The following FBLN5 variants were observed in gnomAD, a reference collection of about 807,000 sequenced individuals.
FBLN5 encodes the protein fibulin-5.
Under a neutral mutation model 61.6 loss-of-function variants are expected in FBLN5, and 24 were observed. The ratio of observed to expected loss-of-function variants is 0.39; its 90% CI spans 0.28 to 0.55. The LOEUF (loss-of-function observed/expected upper bound fraction) is 0.55, where lower values mean the gene tolerates loss of function less well. Ranked by LOEUF, FBLN5 falls within the 20% of genes least tolerant of loss-of-function variation. FBLN5 has a pLI of 0.65. For missense variants in FBLN5, 470 were observed against 594.1 expected (o/e 0.79, Z 2.17); for synonymous variants, 213 against 219.8 (o/e 0.97, Z 0.27).
rs1375553528 is a variant in FBLN5 at position 91,882,354 on chromosome 14, G to A, written c.862+600C>T. Among the ~76,000 whole-genome samples the A allele has an allele frequency of 6.6e-6, 1 of 152,206 alleles. No homozygotes were observed. The highest frequency in any genetic ancestry group is 1.5e-5 in the Non-Finnish European group (1 of 68,034). ...GGCAATGGGATAAGGCAGGTTCAAG[G>A]AGGCTGAGAATGGGTCAGTTGCTTC... On this transcript the variant is annotated intron_variant, in intron 8 of 10. Transcript: ENST00000342058. This position sits in a 1 kb window ranked among gnomAD's most constrained non-coding sequence, Gnocchi z 4.9.
chr14:91,923,876 T>A (rs1253630453), intron 4 of FBLN5, among the ~76,000 whole-genome samples: 1 of 152,214 alleles, frequency 6.6e-6, no homozygotes, highest in Non-Finnish European at 1.5e-5. Context: ...CGCACAGATA[T>A]GCAACCCTGT....
chr14:91,888,971 T>C (rs1288450232), intron 6 of FBLN5, among the ~76,000 whole-genome samples: 1 of 152,190 alleles, frequency 6.6e-6, no homozygotes, highest in Non-Finnish European at 1.5e-5. Flanking sequence ...TGTCAGTGTT[T>C]TCAGAGCTAA....
intron 4 of FBLN5, among the ~76,000 whole-genome samples, chr14:91,906,987 A>G (rs1890711570): frequency 6.6e-6 from 1 of 152,252 alleles, no homozygotes; most frequent in African/African-American, 2.4e-5. Context: ...GCTGGAGAGA[A>G]GAATGGGGGC....
chr14:91,915,298 CTTA>C (rs1891140963), intron 4 of FBLN5, among the ~76,000 whole-genome samples: 1 of 152,084 alleles, frequency 6.6e-6, no homozygotes, highest in Non-Finnish European at 1.5e-5. Context: ...AAGCTAAAAA[CTTA>C]TTAAGTAGAC....
chr14:91,931,143 C>A (rs1213028628), intron 4 of FBLN5, among the ~76,000 whole-genome samples: 1 of 152,174 alleles, frequency 6.6e-6, no homozygotes, highest in Non-Finnish European at 1.5e-5. Context: ...AGGAAGTGGC[C>A]AAACCAAGGT....
intron 10 of FBLN5, among the ~76,000 whole-genome samples, chr14:91,875,003 C>T (rs1265161505): frequency 6.6e-6 from 1 of 151,764 alleles, no homozygotes; most frequent in Non-Finnish European, 1.5e-5. Flanking sequence ...ATTTTTTAAT[C>T]TTTTTTTGTA....
At chr14:91,892,621 T>C (rs983120156) in intron 5 of FBLN5, among the ~76,000 whole-genome samples, 3 of 152,248 alleles carry the variant, frequency 2.0e-5, no homozygotes, top group Non-Finnish European at 2.9e-5. Flanking sequence ...AGAGGGCCCA[T>C]TGGCTGTACA....
chr14:91,930,544 AGATCTGTTTCACGCATTTTCCTTCT>A (rs1369740677), intron 4 of FBLN5, among the ~76,000 whole-genome samples: 1 of 152,200 alleles, frequency 6.6e-6, no homozygotes, highest in Non-Finnish European at 1.5e-5. Flanking sequence ...ATTTTCCTCC[AGATCTGTTTCACGCATTTTCCTTCT>A]GGTCTCAGCC....
chr14:91,891,660 T>C (rs978677799), intron 5 of FBLN5, among the ~76,000 whole-genome samples: 1 of 152,164 alleles, frequency 6.6e-6, no homozygotes, highest in African/African-American at 2.4e-5. Context: ...AGCTCTAAGA[T>C]TCAACACTAA....
At chr14:91,919,705 A>G (rs1033348661) in intron 4 of FBLN5, among the ~76,000 whole-genome samples, 1 of 152,260 alleles carries the variant, frequency 6.6e-6, no homozygotes, top group African/African-American at 2.4e-5. Context: ...AGACAAAGTC[A>G]AGTAAAGGAA....
chr14:91,940,972 AT>A (rs1480477106), intron 2 of FBLN5, among the ~76,000 whole-genome samples: 1 of 151,988 alleles, frequency 6.6e-6, no homozygotes, highest in African/African-American at 2.4e-5. Context: ...TCCCTGTACC[AT>A]TGCTTCATAG....
chr14:91,877,652 G>A lies in FBLN5; in HGVS notation c.1020C>T (p.Gly340=), dbSNP rs982312799. ...NRCMCPAENP[G]CRDQPFTILY... Reference sequence around the variant, plus strand: ...AGATGGTAAAGGGCTGGTCTCTGCAGCCAGGGTTCTCAGCAGGACACATAC... The same window carrying A: ...AGATGGTAAAGGGCTGGTCTCTGCAACCAGGGTTCTCAGCAGGACACATAC... Residue 340 remains glycine, a synonymous_variant, in exon 10 of 11, where the codon GGC becomes GGT. Transcript: ENST00000342058. The A allele has an allele frequency of 6.2e-7, 1 of 1,614,050 alleles. No homozygotes were observed. The highest frequency in any genetic ancestry group is 1.3e-5 in the African/African-American group (1 of 74,932).
chr14:91,886,847 T>A (rs1889748728), intron 7 of FBLN5, among the ~76,000 whole-genome samples: 1 of 152,184 alleles, frequency 6.6e-6, no homozygotes. Flanking sequence ...TTCTGTGATA[T>A]CCCCAAGACT....
intron 4 of FBLN5, among the ~76,000 whole-genome samples, chr14:91,898,933 C>G (rs753439372): frequency 6.6e-6 from 1 of 151,356 alleles, no homozygotes; most frequent in Non-Finnish European, 1.5e-5. Context: ...TCCCGAGTAG[C>G]TGGGACTACA....
intron 1 of FBLN5, chr14:91,946,938 AG>A: frequency 6.9e-7 from 1 of 1,456,922 alleles, no homozygotes; most frequent in South Asian, 1.5e-5. Flanking sequence ...TTTCCAGAAA[AG>A]AAAGAGGAAT....
intron 10 of FBLN5, 102 bp downstream of exon 10, chr14:91,877,385 C>A (rs985594967): frequency 1.3e-5 from 12 of 952,890 alleles, no homozygotes; most frequent in Non-Finnish European, 1.9e-5. Context: ...GCCTACCTGT[C>A]CCCCAGCCCC....
At chr14:91,896,004 GGCATGAAGATACTT>G (rs1890209627) in intron 4 of FBLN5, among the ~76,000 whole-genome samples, 2 of 152,172 alleles carry the variant, frequency 1.3e-5, no homozygotes, top group East Asian at 3.9e-4. Context: ...TCTGTCTGGT[GGCATGAAGATACTT>G]GCATCCACCT....
Position 91,947,340 on chromosome 14 carries a change from GT to G in FBLN5, c.-112del. On this transcript the variant is annotated 5_prime_UTR_variant, in exon 1 of 11. Coordinates refer to ENST00000342058, the MANE Select transcript of FBLN5 (RefSeq NM_006329.4). This position sits in a 1 kb window ranked among gnomAD's most constrained non-coding sequence, Gnocchi z 4.3. Reference sequence around the variant, plus strand: ...CTCTGGGCCCTCGGGGCTCGCGGGTGTTTTATTCCAGAGGGGCCGAGCGAGT... The same window carrying G: ...CTCTGGGCCCTCGGGGCTCGCGGGTGTTTATTCCAGAGGGGCCGAGCGAGT... The G allele has an allele frequency of 7.7e-7, 1 of 1,301,260 alleles. No homozygotes were observed. The highest frequency in any genetic ancestry group is 1.1e-6 in the Non-Finnish European group (1 of 904,504). 80.6% of individuals were successfully genotyped at this position (1,301,260 alleles called of 1,614,324 possible).
chr14:91,878,036 TCAAAAAAACAAAA>T (rs1194041359), intron 9 of FBLN5: 2 of 429,930 alleles, frequency 4.7e-6, no homozygotes, highest in Non-Finnish European at 8.9e-6. Context: ...AGACCCTGTC[TCAAAAAAACAAAA>T]CAAAAAAAAA....
Sources: gnomAD v4.1 joint callset for allele counts (sites outside exome capture counted in the v4.1 genomes callset) on GRCh38, gnomAD v4.1.1 for gene constraint, Gnocchi (gnomAD v3.1) non-coding constraint, MANE v1.5 for transcripts, NCBI Gene and HGNC (gene_info 2026-07-23, HGNC 2026-07-21) for gene names.